Variants in ZNF787 observed in about 807,000 individuals in gnomAD.
ZNF787 encodes zinc finger protein 787, also known as TTF-I-interacting peptide 20.
Under a neutral mutation model 16.9 loss-of-function variants are expected in ZNF787, and 7 were observed. That is an observed-to-expected ratio of 0.42 (90% confidence interval 0.24 to 0.78). The LOEUF (loss-of-function observed/expected upper bound fraction) is 0.78, where lower values mean the gene tolerates loss of function less well. Among genes scored for constraint, ZNF787 ranks in the 30% least tolerant of loss-of-function variants. ZNF787 has a pLI of 0.30. For missense variants in ZNF787, 551 were observed against 589.3 expected, an observed-to-expected ratio of 0.94 and a Z score of 0.67; for synonymous variants, 345 against 270.9, an observed-to-expected ratio of 1.27 and a Z score of -2.69.
intron 1 of ZNF787, among the ~76,000 whole-genome samples, chr19:56,118,408 G>A (rs894538391): frequency 4.6e-5 from 7 of 152,196 alleles, no homozygotes; most frequent in South Asian, 2.1e-4. Context: ...AGAGGACTTC[G>A]GAACAGCCTT....
chr19:56,108,943 G>A (rs1371884883), intron 1 of ZNF787, among the ~76,000 whole-genome samples: 1 of 152,102 alleles, frequency 6.6e-6, no homozygotes. Context: ...AATGCTTCTT[G>A]CAGAGACAGC....
At chr19:56,107,257 G>A (rs1986359583) in intron 1 of ZNF787, among the ~76,000 whole-genome samples, 1 of 152,208 alleles carries the variant, frequency 6.6e-6, no homozygotes, top group Non-Finnish European at 1.5e-5. Context: ...AAGGCTGGAG[G>A]AGTACAGAAA....
chr19:56,091,577 C>A (rs1407129130), intron 2 of ZNF787, among the ~76,000 whole-genome samples: 4 of 152,208 alleles, frequency 2.6e-5, no homozygotes, highest in Admixed American at 2.6e-4. Context: ...GGAGGGGCTC[C>A]TTCCTCTAGA....
At chr19:56,110,651 C>T (rs1483360139) in intron 1 of ZNF787, among the ~76,000 whole-genome samples, 1 of 152,210 alleles carries the variant, frequency 6.6e-6, no homozygotes, top group East Asian at 1.9e-4. Flanking sequence ...TAATGTACTT[C>T]CAGTGAAACT....
Position 56,088,051 on chromosome 19 carries a change from G to C in ZNF787, c.1121C>G (p.Pro374Arg). The C allele has an allele frequency of 7.2e-7, 1 of 1,396,472 alleles. No homozygotes were observed. The highest frequency in any genetic ancestry group is 1.5e-5 in the South Asian group (1 of 65,952). The allele number at this position is 1,396,472 out of a possible 1,614,324, so 86.5% of individuals were successfully genotyped here. A position where few individuals can be genotyped will look rare whatever the true frequency, so the allele number is the denominator to read the frequency against. The part of the protein sequence containing the change: ...DDDEAAGGRC[P>R]ECRGGEGR Reference sequence around the variant, plus strand: ...CCGGCCCTCCCCACCGCGGCACTCGGGGCACCGCCCGCCCGCGGCCTCGTC... The same window carrying C: ...CCGGCCCTCCCCACCGCGGCACTCGCGGCACCGCCCGCCCGCGGCCTCGTC... The change falls in exon 3 of 3, where the codon CCC becomes CGC. Residue 374 changes from proline to arginine, a missense_variant. Around this residue, in one of 4 missense-constraint regions of ZNF787, gnomAD observed 392 missense variants for 312.7 expected, o/e 1.25. Transcript: ENST00000610935. The surrounding 1 kb of genome is among the most constrained non-coding windows in gnomAD (Gnocchi z 8.6).
At chr19:56,110,937 G>C (rs73059979) in intron 1 of ZNF787, among the ~76,000 whole-genome samples, 6,873 of 152,342 alleles carry the variant, frequency 0.045, 226 homozygotes, top group Non-Finnish European at 0.069. Flanking sequence ...GTTATAGCTG[G>C]GTAGGGGGGT....
intron 2 of ZNF787, 138 bp from the exon 3 acceptor site, chr19:56,089,230 TC>T (rs1165169598): frequency 5.8e-6 from 3 of 520,508 alleles, no homozygotes; most frequent in Non-Finnish European, 9.6e-6. Context: ...TGTGCATCAC[TC>T]CCTGCATTTT....
At chr19:56,114,214 G>A (rs915383509) in intron 1 of ZNF787, among the ~76,000 whole-genome samples, 3 of 152,162 alleles carry the variant, frequency 2.0e-5, no homozygotes, top group African/African-American at 4.8e-5. Context: ...TCGCTGTGCA[G>A]TGCACTGCTC....
In ZNF787 at chr19:56,087,999, C is replaced by T. The variant is rs1182738366; in HGVS notation, c.*24G>A. 11 of 852,758 alleles carry T rather than the reference C, an allele frequency of 1.3e-5. No homozygotes were observed. Among genetic ancestry groups the T allele is most frequent in the South Asian group, 7.2e-5 (2 of 27,616 alleles). 52.8% of individuals were successfully genotyped at this position (852,758 alleles called of 1,614,324 possible). A position where few individuals can be genotyped will look rare whatever the true frequency, so the allele number is the denominator to read the frequency against. ...CCCGCCAAGCCCGAGGGGCCCTGCC[C>T]GCCCCCCCCCCCGGGCCCCTCCCCT... On this transcript the variant is annotated 3_prime_UTR_variant, in exon 3 of 3. Transcript: ENST00000610935.
At chr19:56,092,017 C>G (rs1985611442) in intron 2 of ZNF787, among the ~76,000 whole-genome samples, 1 of 16,472 alleles carries the variant, frequency 6.1e-5, no homozygotes, top group African/African-American at 8.3e-5. Context: ...AAAGCCGAAA[C>G]CGAAGCCGAA....
chr19:56,103,005 G>T (rs775851513), intron 2 of ZNF787, 134 bp downstream of exon 2: 10 of 914,740 alleles, frequency 1.1e-5, no homozygotes, highest in Non-Finnish European at 1.8e-5. Flanking sequence ...CGGGAGGGGA[G>T]GCCAGGGTCG....
intron 1 of ZNF787, among the ~76,000 whole-genome samples, chr19:56,117,738 A>G (rs1006858008): frequency 6.6e-6 from 1 of 152,242 alleles, no homozygotes; most frequent in Admixed American, 6.5e-5. Flanking sequence ...GGTCCCCATC[A>G]GTCCCACAGT....
chr19:56,101,633 G>C (rs916391764), intron 2 of ZNF787: 3 of 152,142 alleles, frequency 2.0e-5, no homozygotes, highest in Non-Finnish European at 2.9e-5. Flanking sequence ...CTTCCTGTAG[G>C]GCTTTTTCTT....
chr19:56,107,226 C>T (rs1292516917), intron 1 of ZNF787, among the ~76,000 whole-genome samples: 1 of 152,126 alleles, frequency 6.6e-6, no homozygotes, highest in Non-Finnish European at 1.5e-5. Flanking sequence ...AAGGTCTCTC[C>T]GTGGGGAAGG....
In ZNF787 at chr19:56,088,242, C is replaced by G. The variant is rs759634046; in HGVS notation, c.930G>C (p.Ala310=). The G allele has an allele frequency of 4.1e-6, 6 of 1,479,516 alleles. No homozygotes were observed. The South Asian group carries it at 6.3e-5, about 15-fold the overall frequency. The allele number at this position is 1,479,516 out of a possible 1,614,324, so 91.6% of individuals were successfully genotyped here. A position where few individuals can be genotyped will look rare whatever the true frequency, so the allele number is the denominator to read the frequency against. The change falls in exon 3 of 3, where the codon GCG becomes GCC. Residue 310 remains alanine, a synonymous_variant. Coordinates refer to ENST00000610935, the MANE Select transcript of ZNF787 (RefSeq NM_001002836.4). This position sits in a 1 kb window ranked among gnomAD's most constrained non-coding sequence, Gnocchi z 8.6. ...AGATGTGGGCCGGCTCCTCGCCCCCCGCCGCCCCGAGCCCGTCCCCGTGCT... is the reference window on the plus strand; with the variant it reads ...AGATGTGGGCCGGCTCCTCGCCCCCGGCCGCCCCGAGCCCGTCCCCGTGCT... ...RAQHGDGLGA[A]GGEEPAHICV...
At chr19:56,104,774 A>G (rs1986238262) in intron 1 of ZNF787, among the ~76,000 whole-genome samples, 1 of 152,246 alleles carries the variant, frequency 6.6e-6, no homozygotes, top group African/African-American at 2.4e-5. Flanking sequence ...TAAAGTGGAG[A>G]GCAGAGCCTT....
intron 1 of ZNF787, among the ~76,000 whole-genome samples, chr19:56,109,901 T>C (rs1463573810): frequency 6.6e-6 from 1 of 151,802 alleles, no homozygotes; most frequent in African/African-American, 2.4e-5. Flanking sequence ...TAAAATAACA[T>C]TCGTAAGCTT....
chr19:56,103,422 C>T (rs542818430), intron 1 of ZNF787, 195 bp from the exon 2 acceptor site: 36 of 469,444 alleles, frequency 7.7e-5, no homozygotes, highest in African/African-American at 6.6e-4. Context: ...AGGGGCCAGC[C>T]AAGGCCTCAC....
intron 2 of ZNF787, among the ~76,000 whole-genome samples, chr19:56,094,278 C>A (rs148473151): frequency 6.6e-6 from 1 of 150,816 alleles, no homozygotes; most frequent in African/African-American, 2.4e-5. Context: ...GTGATCCACC[C>A]GCCTTGGCCT....
Sources: allele counts gnomAD v4.1 joint callset (sites outside exome capture counted in the v4.1 genomes callset), GRCh38; gene constraint gnomAD v4.1.1; regional missense constraint gnomAD v4.1.1; non-coding constraint Gnocchi (gnomAD v3.1); transcripts MANE v1.5; gene names NCBI Gene and HGNC (gene_info 2026-07-23, HGNC 2026-07-21).